IMMP2L: variants seen among roughly 807,000 people sequenced by gnomAD.
IMMP2L encodes mitochondrial inner membrane protease subunit 2.
IMMP2L carries 18 observed loss-of-function variants against 19.3 expected under a neutral mutation model. That is an observed-to-expected ratio of 0.93 (90% confidence interval 0.64 to 1.38). IMMP2L has a LOEUF of 1.38. IMMP2L is among the 40% of genes most tolerant of loss of function. The pLI, the probability that IMMP2L is intolerant of heterozygous loss-of-function variation, is 0.00. For missense variants in IMMP2L, 233 were observed against 218.2 expected (o/e 1.07, Z -0.43); for synonymous variants, 76 against 73.0 (o/e 1.04, Z -0.21).
chr7:111,410,788 AAG>A (rs1834339877), intron 3 of IMMP2L, among the ~76,000 whole-genome samples: 7 of 151,828 alleles, frequency 4.6e-5, no homozygotes. Flanking sequence ...TGTTGCAGAT[AAG>A]ACACTACAGA....
At chr7:111,454,530 C>A (rs1332229220) in intron 3 of IMMP2L, among the ~76,000 whole-genome samples, 1 of 151,936 alleles carries the variant, frequency 6.6e-6, no homozygotes, top group Admixed American at 6.6e-5. Context: ...AATACAAAGA[C>A]CCACTCAAAT....
chr7:110,937,249 A>T (rs76316495), intron 4 of IMMP2L, among the ~76,000 whole-genome samples: 1,692 of 152,294 alleles, frequency 0.011, 40 homozygotes, highest in African/African-American at 0.039. Context: ...GCCAAAAATA[A>T]AAGTGCATAC....
chr7:110,950,810 G>A lies in IMMP2L; in HGVS notation c.305+12690C>T, dbSNP rs187768636. Among the ~76,000 whole-genome samples the A allele has an allele frequency of 4.2e-3, 556 of 132,150 alleles. 1 individual carries two copies. The highest frequency in any genetic ancestry group is 7.1e-3 in the Non-Finnish European group (451 of 63,646). 86.7% of individuals were successfully genotyped at this position (132,150 alleles called of 152,430 possible). A position where few individuals can be genotyped will look rare whatever the true frequency, so the allele number is the denominator to read the frequency against. On this transcript the variant is annotated intron_variant, in intron 4 of 5. Transcript: ENST00000405709. ...GTTTGATGTATTTTTAACCATTTCC[G>A]TAGACAGATGAATGGATACACAAAA...
chr7:111,368,377 G>A (rs1401358461), intron 3 of IMMP2L, among the ~76,000 whole-genome samples: 1 of 151,850 alleles, frequency 6.6e-6, no homozygotes, highest in Non-Finnish European at 1.5e-5. Context: ...TCAGTCCAAT[G>A]GTATAGGGAA....
At chr7:110,790,140 C>A (rs766301210) in intron 5 of IMMP2L, among the ~76,000 whole-genome samples, 1 of 151,404 alleles carries the variant, frequency 6.6e-6, no homozygotes, top group Non-Finnish European at 1.5e-5. Context: ...CATAAATATT[C>A]CTTATTGTTA....
intron 3 of IMMP2L, among the ~76,000 whole-genome samples, chr7:111,469,367 T>C (rs1260544301): frequency 2.0e-5 from 3 of 152,246 alleles, no homozygotes; most frequent in Non-Finnish European, 2.9e-5. Context: ...TTTCATGATA[T>C]TGATTCTTCC....
Position 110,963,213 on chromosome 7 carries a change from T to C in IMMP2L, c.305+287A>G. On this transcript the variant is annotated intron_variant, in intron 4 of 5. Transcript: ENST00000405709. ...AATCTTAAAATAGTCATGCTACTTT[T>C]AATATCTGATCAATAATGATTTAAT... 4.2e-6 allele frequency: 3 copies of C among 708,314 alleles called. 1 individual carries two copies. Among genetic ancestry groups the C allele is most frequent in the Middle Eastern group, 5.8e-4 (2 of 3,458 alleles). 43.9% of individuals were successfully genotyped at this position (708,314 alleles called of 1,614,324 possible). A position where few individuals can be genotyped will look rare whatever the true frequency, so the allele number is the denominator to read the frequency against.
rs888701247 is a variant in IMMP2L at position 110,760,806 on chromosome 7, G to C, written c.409-97085C>G. Reference sequence around the variant, plus strand: ...ACTAAACACCTATTTCTTACTACAAGTGTAGAACGCCAGATAGGATCATCA... The same window carrying C: ...ACTAAACACCTATTTCTTACTACAACTGTAGAACGCCAGATAGGATCATCA... On this transcript the variant is annotated intron_variant, in intron 5 of 5. Transcript: ENST00000405709. The surrounding 1 kb of genome is among the most constrained non-coding windows in gnomAD (Gnocchi z 4.2). Among the ~76,000 whole-genome samples, 22 of 152,062 alleles carry C rather than the reference G, an allele frequency of 1.4e-4. No individual in the cohort carries two copies. Among genetic ancestry groups the C allele is most frequent in the African/African-American group, 5.1e-4 (21 of 41,400 alleles).
At chr7:110,976,113 T>C (rs573446089) in intron 3 of IMMP2L, among the ~76,000 whole-genome samples, 52 of 152,144 alleles carry the variant, frequency 3.4e-4, no homozygotes, top group African/African-American at 1.2e-3. Flanking sequence ...CCTGATAATA[T>C]GTAACATTTT....
chr7:111,488,083 G>A (rs1429149482), intron 2 of IMMP2L, among the ~76,000 whole-genome samples: 10 of 152,182 alleles, frequency 6.6e-5, no homozygotes, highest in Admixed American at 6.5e-4. Flanking sequence ...CATTTGGACA[G>A]GGGTACAGAC....
At chr7:110,740,987 A>G (rs962498082) in intron 5 of IMMP2L, among the ~76,000 whole-genome samples, 1 of 152,120 alleles carries the variant, frequency 6.6e-6, no homozygotes, top group Admixed American at 6.6e-5. Context: ...ACTACCAGGT[A>G]TCTACCCAGA....
chr7:110,902,035 T>C (rs558059447), intron 4 of IMMP2L, among the ~76,000 whole-genome samples: 1 of 152,196 alleles, frequency 6.6e-6, no homozygotes, highest in Admixed American at 6.5e-5. Flanking sequence ...TTGCCACAAG[T>C]TATGGTAATT....
At chr7:111,451,760 AAGC>A (rs955208584) in intron 3 of IMMP2L, among the ~76,000 whole-genome samples, 1 of 152,006 alleles carries the variant, frequency 6.6e-6, no homozygotes, top group African/African-American at 2.4e-5. Flanking sequence ...TAAAGGAAAA[AAGC>A]AGAGAGAAGG....
At chr7:111,308,957 A>G (rs1345319912) in intron 3 of IMMP2L, among the ~76,000 whole-genome samples, 1 of 152,124 alleles carries the variant, frequency 6.6e-6, no homozygotes, top group Admixed American at 6.6e-5. Flanking sequence ...GGTTAAAACA[A>G]GAATCATTTT....
At chr7:111,295,440 T>C (rs996579276) in intron 3 of IMMP2L, among the ~76,000 whole-genome samples, 5 of 151,876 alleles carry the variant, frequency 3.3e-5, no homozygotes, top group Non-Finnish European at 5.9e-5. Context: ...ACTCATAGTT[T>C]AGACACAAGT....
intron 3 of IMMP2L, among the ~76,000 whole-genome samples, chr7:111,362,521 T>C: frequency 6.6e-6 from 1 of 152,088 alleles, no homozygotes. Context: ...ACTGAAACTG[T>C]TCACTAAGTA....
intron 3 of IMMP2L, among the ~76,000 whole-genome samples, chr7:111,289,684 T>C (rs1820877892): frequency 6.6e-6 from 1 of 151,994 alleles, no homozygotes; most frequent in African/African-American, 2.4e-5. Context: ...ATACCTACTG[T>C]TCTATTTTGT....
At chr7:111,510,506 G>A (rs1362752517) in intron 2 of IMMP2L, among the ~76,000 whole-genome samples, 1 of 152,038 alleles carries the variant, frequency 6.6e-6, no homozygotes, top group Non-Finnish European at 1.5e-5. Flanking sequence ...GCCTCTGCCA[G>A]ACCTAGCCAA....
At chr7:110,948,706 T>C (rs1346972254) in intron 4 of IMMP2L, among the ~76,000 whole-genome samples, 2 of 152,198 alleles carry the variant, frequency 1.3e-5, no homozygotes, top group Non-Finnish European at 2.9e-5. Flanking sequence ...GTGATATTAA[T>C]TTTAGGTGCC....
Sources: gnomAD v4.1 joint callset for allele counts (sites outside exome capture counted in the v4.1 genomes callset) on GRCh38, gnomAD v4.1.1 for gene constraint, Gnocchi (gnomAD v3.1) non-coding constraint, MANE v1.5 for transcripts, NCBI Gene and HGNC (gene_info 2026-07-23, HGNC 2026-07-21) for gene names.